Variants in NAAA observed in about 807,000 individuals in gnomAD.
NAAA encodes the protein N-acylethanolamine-hydrolyzing acid amidase.
NAAA carries 39 observed loss-of-function variants against 44.8 expected under a neutral mutation model. The ratio of observed to expected loss-of-function variants is 0.87; its 90% confidence interval spans 0.67 to 1.14. The LOEUF is 1.14. Ranked by LOEUF, NAAA falls within the 50% of genes most tolerant of loss-of-function variation. The pLI, the probability that NAAA is intolerant of heterozygous loss-of-function variation, is 0.00. For synonymous variants in NAAA, 178 were observed against 191.3 expected, an observed-to-expected ratio of 0.93 and a Z score of 0.58; for missense variants, 460 against 467.8, an observed-to-expected ratio of 0.98 and a Z score of 0.15.
At chr4:75,921,650 C>T (rs1726176012) in intron 5 of NAAA, among the ~76,000 whole-genome samples, 2 of 152,234 alleles carry the variant, frequency 1.3e-5, no homozygotes, top group Admixed American at 6.5e-5. Flanking sequence ...GGGTCCCATC[C>T]TCACCAAGGG....
chr4:75,916,960 A>G (rs1725682246), intron 9 of NAAA: 1 of 202,184 alleles, frequency 4.9e-6, no homozygotes, highest in Non-Finnish European at 8.7e-6. Flanking sequence ...TTGTATTTTT[A>G]GTAGAGATGA....
chr4:75,918,814 A>G (rs1331600701), intron 8 of NAAA, 25 bp from the exon 9 acceptor site: 3 of 1,598,750 alleles, frequency 1.9e-6, no homozygotes, highest in South Asian at 2.2e-5. Flanking sequence ...GTCATTTTAT[A>G]GAGAAGATTA....
At chr4:75,929,316 C>T (rs529515231) in intron 4 of NAAA, among the ~76,000 whole-genome samples, 1 of 152,246 alleles carries the variant, frequency 6.6e-6, no homozygotes, top group African/African-American at 2.4e-5. Context: ...ATTGCTGGCA[C>T]CCCCCATAAT....
chr4:75,916,074 A>G (rs1725597270), intron 9 of NAAA, among the ~76,000 whole-genome samples: 1 of 152,172 alleles, frequency 6.6e-6, no homozygotes, highest in African/African-American at 2.4e-5. Context: ...CGTTTACTTT[A>G]GTCATAGTTC....
chr4:75,918,441 C>G (rs11490704), intron 9 of NAAA, among the ~76,000 whole-genome samples: 43,335 of 151,534 alleles, frequency 0.29, 6,903 homozygotes, highest in East Asian at 0.49. Context: ...GGTGACAGAG[C>G]GAGACTCTGG....
chr4:75,921,256 T>A, intron 5 of NAAA, 133 bp from the exon 6 acceptor site: 1 of 821,960 alleles, frequency 1.2e-6, no homozygotes, highest in Non-Finnish European at 1.8e-6. Context: ...GCTCTGACCT[T>A]ATCCTCTTGT....
At position 75,940,964 on chromosome 4, in the gene NAAA, C is replaced by A; in HGVS notation, c.-15G>T. On this transcript the variant is annotated 5_prime_UTR_variant, in exon 1 of 11. Coordinates refer to ENST00000286733, the MANE Select transcript of NAAA (RefSeq NM_014435.4). The stretch of plus-strand genomic sequence containing the variant: ...GCGGTCCGCATGGCTCGGGCTCCAG[C>A]GGCCGCAACTTGGAGACCTGCAGCC... 1 of 1,465,636 alleles carries A rather than the reference C, an allele frequency of 6.8e-7. No individual in the cohort carries two copies. The highest frequency in any genetic ancestry group is 1.4e-5 in the South Asian group (1 of 73,868). The allele number at this position is 1,465,636 out of a possible 1,614,324, so 90.8% of individuals were successfully genotyped here.
chr4:75,940,093 C>A lies in NAAA; in HGVS notation c.279G>T (p.Gln93His), dbSNP rs779155769. Residue 93 changes from glutamine (Q) to histidine (H), a missense_variant, in exon 2 of 11, where the codon CAG (glutamine) becomes CAT (histidine). Coordinates refer to ENST00000286733, the MANE Select transcript of NAAA (RefSeq NM_014435.4). ...TGCCGCGGATCTCGCCGGTGAAGGG[C>A]TGGGGCAGGAAGCGCTCCAGCTCCA... Reference protein sequence around the residue: ...VVLELERFLPQPFTGEIRGMC... With the variant: ...VVLELERFLPHPFTGEIRGMC... 20 of 1,614,014 alleles carry A rather than the reference C, an allele frequency of 1.2e-5. No homozygotes were observed. Among genetic ancestry groups the A allele is most frequent in the Non-Finnish European group, 1.7e-5 (20 of 1,180,056 alleles).
At chr4:75,934,158 GC>G (rs1727496538) in intron 3 of NAAA, among the ~76,000 whole-genome samples, 1 of 151,560 alleles carries the variant, frequency 6.6e-6, no homozygotes, top group Non-Finnish European at 1.5e-5. Flanking sequence ...CTGGGTTCTG[GC>G]CCTACCTCTG....
downstream of NAAA, among the ~76,000 whole-genome samples, chr4:75,912,303 C>T (rs531217121): frequency 6.6e-6 from 1 of 151,694 alleles, no homozygotes; most frequent in South Asian, 2.1e-4. Flanking sequence ...GCCTGTAATC[C>T]CAGCACTTTG....
chr4:75,922,302 C>T (rs1160080242), intron 5 of NAAA, among the ~76,000 whole-genome samples: 1 of 151,182 alleles, frequency 6.6e-6, no homozygotes, highest in Non-Finnish European at 1.5e-5. Flanking sequence ...TGCTTGAACC[C>T]AGGAGATGAA....
intron 4 of NAAA, 50 bp downstream of exon 4, chr4:75,931,164 G>C (rs778047713): frequency 1.4e-5 from 21 of 1,466,296 alleles, no homozygotes; most frequent in Non-Finnish European, 1.7e-5. Flanking sequence ...TGCTTGGATA[G>C]AACTGAACAA....
chr4:75,933,028 G>A (rs755636585), intron 3 of NAAA, among the ~76,000 whole-genome samples: 2 of 151,532 alleles, frequency 1.3e-5, no homozygotes, highest in Non-Finnish European at 2.9e-5. Flanking sequence ...CCAGCTACTC[G>A]GGAGGCTAAG....
intron 2 of NAAA, among the ~76,000 whole-genome samples, chr4:75,938,981 C>G (rs970978552): frequency 5.9e-5 from 9 of 152,162 alleles, no homozygotes; most frequent in African/African-American, 9.7e-5. Context: ...TCCCAAGTAG[C>G]TGGGATTCAC....
chr4:75,920,082 T>G, intron 7 of NAAA, 107 bp from the exon 8 acceptor site: 1 of 1,026,056 alleles, frequency 9.7e-7, no homozygotes, highest in Non-Finnish European at 1.5e-6. Flanking sequence ...ATTATCTCCC[T>G]TTCTCCAAAA....
At chr4:75,923,598 G>A (rs1397589744) in intron 5 of NAAA, among the ~76,000 whole-genome samples, 1 of 151,040 alleles carries the variant, frequency 6.6e-6, no homozygotes, top group East Asian at 1.9e-4. Flanking sequence ...GGAGTGCAGT[G>A]GTGTGATCTC....
chr4:75,931,913 T>C (rs565191259), intron 3 of NAAA, among the ~76,000 whole-genome samples: 3 of 152,196 alleles, frequency 2.0e-5, no homozygotes, highest in African/African-American at 7.2e-5. Context: ...ATCCTAGAAG[T>C]AGCAAGTGGA....
At chr4:75,913,017 T>C (rs188950647), downstream of NAAA, among the ~76,000 whole-genome samples, 21 of 152,258 alleles carry the variant, frequency 1.4e-4, no homozygotes, top group Admixed American at 1.4e-3. Flanking sequence ...TTCTAGACAT[T>C]CTACTCACTA....
chr4:75,939,873 G>T (rs1026011554), intron 2 of NAAA, 128 bp downstream of exon 2: 12 of 1,048,916 alleles, frequency 1.1e-5, no homozygotes, highest in South Asian at 4.5e-5. Flanking sequence ...AAGAGGAAGC[G>T]CTGGAGGTTT....
Sources: allele counts gnomAD v4.1 joint callset (sites outside exome capture counted in the v4.1 genomes callset), GRCh38; gene constraint gnomAD v4.1.1; transcripts MANE v1.5; gene names NCBI Gene and HGNC (gene_info 2026-07-23, HGNC 2026-07-21).